The following NPAS2 variants were observed in gnomAD, a reference collection of about 807,000 sequenced individuals.
NPAS2 encodes the protein neuronal PAS domain-containing protein 2.
NPAS2 carries 23 observed loss-of-function variants against 107.5 expected under a neutral mutation model. The observed-to-expected ratio is 0.21, with a 90% CI of 0.15 to 0.30. NPAS2 has a LOEUF of 0.30. NPAS2 is among the 10% of genes least tolerant of loss of function. The pLI is 1.00. For missense variants in NPAS2, 756 were observed against 1,043.3 expected (o/e 0.72, Z 3.79); for synonymous variants, 403 against 417.5 (o/e 0.97, Z 0.42).
At chr2:100,853,359 C>T (rs1678336952) in intron 1 of NPAS2, among the ~76,000 whole-genome samples, 1 of 152,180 alleles carries the variant, frequency 6.6e-6, no homozygotes, top group Non-Finnish European at 1.5e-5. Context: ...TTGTGCTCTA[C>T]GATGGAGTCA....
At chr2:100,971,108 G>T in intron 12 of NPAS2, 34 bp downstream of exon 12, 2 of 1,598,204 alleles carry the variant, frequency 1.3e-6, no homozygotes, top group Non-Finnish European at 1.7e-6. Flanking sequence ...ATACGGCAAA[G>T]GTTGGCTAGG....
chr2:100,821,597 A>C (rs1676074279), intron 1 of NPAS2, among the ~76,000 whole-genome samples: 1 of 152,326 alleles, frequency 6.6e-6, no homozygotes, highest in African/African-American at 2.4e-5. Flanking sequence ...CCAGGTAATT[A>C]GTTCTAAAGT....
At chr2:100,981,466 C>T (rs747181450) in intron 15 of NPAS2, among the ~76,000 whole-genome samples, 15 of 152,072 alleles carry the variant, frequency 9.9e-5, no homozygotes, top group Non-Finnish European at 1.8e-4. Context: ...TTGAGGGAGA[C>T]GGGACAGGAG....
intron 15 of NPAS2, among the ~76,000 whole-genome samples, chr2:100,980,630 T>C (rs947827704): frequency 2.0e-5 from 3 of 152,034 alleles, no homozygotes; most frequent in Admixed American, 2.0e-4. Context: ...CCACCACGCC[T>C]GGCTAATTTT....
At chr2:100,966,420 C>G (rs17025095) in intron 10 of NPAS2, among the ~76,000 whole-genome samples, 2,303 of 152,068 alleles carry the variant, frequency 0.015, 74 homozygotes, top group African/African-American at 0.052. Flanking sequence ...CAAGCTTGTC[C>G]GAGTTCTCAC....
intron 1 of NPAS2, chr2:100,821,277 T>G (rs1676051769): frequency 9.4e-6 from 11 of 1,171,264 alleles, no homozygotes; most frequent in African/African-American, 1.6e-5. Flanking sequence ...ATGGAAACCT[T>G]GAATATACGC....
intron 1 of NPAS2, among the ~76,000 whole-genome samples, chr2:100,830,601 T>C (rs1260792971): frequency 6.6e-6 from 1 of 152,124 alleles, no homozygotes; most frequent in African/African-American, 2.4e-5. Flanking sequence ...GATAGTTTGC[T>C]CAGAATGATG....
intron 7 of NPAS2, among the ~76,000 whole-genome samples, chr2:100,951,983 A>G (rs1675251412): frequency 1.3e-5 from 2 of 151,914 alleles, no homozygotes; most frequent in African/African-American, 4.8e-5. Context: ...CCCCATCTCT[A>G]CTAAAAATAC....
intron 1 of NPAS2, among the ~76,000 whole-genome samples, chr2:100,885,841 T>C (rs1389894795): frequency 6.6e-6 from 1 of 152,082 alleles, no homozygotes; most frequent in Non-Finnish European, 1.5e-5. Flanking sequence ...TTTTCTATTT[T>C]TAGTAGAGAC....
In NPAS2 at chr2:100,903,664, T is replaced by C. The variant is rs148353752; in HGVS notation, c.-22-1069T>C. 2.3e-3 allele frequency among the ~76,000 whole-genome samples: 356 copies of C among 152,272 alleles called. 3 individuals are homozygous for C. The highest frequency in any genetic ancestry group is 8.3e-3 in the African/African-American group (345 of 41,570). Reference sequence around the variant, plus strand: ...GTTGAGCGTAGAAGCGGGTGGGCAGTGGTGATTCAGCTTCTCCATGGTCCC... The same window carrying C: ...GTTGAGCGTAGAAGCGGGTGGGCAGCGGTGATTCAGCTTCTCCATGGTCCC... On this transcript the variant is annotated intron_variant, in intron 1 of 20. Coordinates refer to ENST00000335681, the MANE Select transcript of NPAS2 (RefSeq NM_002518.4).
chr2:100,874,628 G>A (rs182147021), intron 1 of NPAS2, among the ~76,000 whole-genome samples: 17 of 151,974 alleles, frequency 1.1e-4, no homozygotes, highest in Admixed American at 1.1e-3. Flanking sequence ...TGTAATCCCA[G>A]CTACTCAGGA....
At chr2:100,952,671 G>T (rs552454073) in intron 7 of NPAS2, among the ~76,000 whole-genome samples, 1 of 152,022 alleles carries the variant, frequency 6.6e-6, no homozygotes, top group Non-Finnish European at 1.5e-5. Flanking sequence ...TTAAGATGCT[G>T]CTGAATATCC....
At chr2:100,916,876 A>C (rs1682909836) in intron 2 of NPAS2, among the ~76,000 whole-genome samples, 1 of 152,238 alleles carries the variant, frequency 6.6e-6, no homozygotes, top group African/African-American at 2.4e-5. Context: ...GATAGCGGGA[A>C]AAATATCTCC....
intron 16 of NPAS2, chr2:100,986,111 G>C (rs778441751): frequency 1.3e-5 from 2 of 152,192 alleles, no homozygotes; most frequent in African/African-American, 2.4e-5. Context: ...TGTGTAAAAT[G>C]ATGGATACCC....
At position 100,968,650 on chromosome 2, in the gene NPAS2, T is replaced by G. The variant is rs1676370053; in HGVS notation, c.1055+222T>G. ...CTGCCCTCCCAGGGCTGAGACTCCT[T>G]TCAAGCTCTCAGTCAGGCCCCTTTG... On this transcript the variant is annotated intron_variant, in intron 11 of 20. Coordinates refer to ENST00000335681, the MANE Select transcript of NPAS2 (RefSeq NM_002518.4). The surrounding 1 kb of genome is among the most constrained non-coding windows in gnomAD (Gnocchi z 5.3). Among the ~76,000 whole-genome samples, 1 of 152,152 alleles carries G rather than the reference T, an allele frequency of 6.6e-6. No individual in the cohort carries two copies. Among genetic ancestry groups the G allele is most frequent in the South Asian group, 2.1e-4 (1 of 4,828 alleles).
At chr2:100,880,439 A>AT in intron 1 of NPAS2, among the ~76,000 whole-genome samples, 1 of 152,226 alleles carries the variant, frequency 6.6e-6, no homozygotes, top group East Asian at 1.9e-4. Context: ...ATATAGGAAT[A>AT]TTATTCAGTC....
chr2:100,831,219 C>T (rs1676714499), intron 1 of NPAS2, among the ~76,000 whole-genome samples: 1 of 152,068 alleles, frequency 6.6e-6, no homozygotes, highest in African/African-American at 2.4e-5. Flanking sequence ...TCACTTGAAC[C>T]CAGGAGGCGG....
chr2:100,979,503 T>TATATATATATA (rs1491089539), intron 15 of NPAS2, among the ~76,000 whole-genome samples: 7 of 39,576 alleles, frequency 1.8e-4, no homozygotes, highest in East Asian at 9.3e-4. Flanking sequence ...TATATATATA[T>TATATATATATA]TTTTTTTTTT....
intron 1 of NPAS2, among the ~76,000 whole-genome samples, chr2:100,854,947 A>G (rs1678464339): frequency 6.6e-6 from 1 of 152,220 alleles, no homozygotes; most frequent in East Asian, 1.9e-4. Context: ...TACTGGATTT[A>G]AAAGATTTAG....
Sources: allele counts gnomAD v4.1 joint callset (sites outside exome capture counted in the v4.1 genomes callset), GRCh38; gene constraint gnomAD v4.1.1; non-coding constraint Gnocchi (gnomAD v3.1); transcripts MANE v1.5; gene names NCBI Gene and HGNC (gene_info 2026-07-23, HGNC 2026-07-21).